The following CRPPA variants were observed in gnomAD, a reference collection of about 807,000 sequenced individuals.
The protein encoded by CRPPA is D-ribitol-5-phosphate cytidylyltransferase.
In CRPPA, 43 loss-of-function variants were observed where a neutral mutation model predicts 52.0. The observed-to-expected ratio is 0.83, with a 90% confidence interval of 0.65 to 1.07. The LOEUF (loss-of-function observed/expected upper bound fraction) is 1.07, where lower values mean the gene tolerates loss of function less well. Among genes scored for constraint, CRPPA ranks in the 50% least tolerant of loss-of-function variants. The pLI, the probability that CRPPA is intolerant of heterozygous loss-of-function variation, is 0.00. For synonymous variants in CRPPA, 250 were observed against 203.5 expected, an observed-to-expected ratio of 1.23 and a Z score of -1.94; for missense variants, 629 against 551.7, an observed-to-expected ratio of 1.14 and a Z score of -1.40.
rs187803693 is a variant in CRPPA, at chr7:16,116,216, C to T, written c.1252-24417G>A. 1.2e-4 allele frequency among the ~76,000 whole-genome samples: 18 copies of T among 152,138 alleles called. No individual in the cohort carries two copies. The East Asian group carries it at 3.1e-3, about 26-fold the overall frequency. ...GCAGTGAGACAGATATCATGTGATC[C>T]CTGATATGATGCACTGAGAAGGATA... On this transcript the variant is annotated intron_variant, in intron 9 of 9. Transcript: ENST00000407010.
intron 9 of CRPPA, among the ~76,000 whole-genome samples, chr7:16,101,754 G>A (rs1036401290): frequency 2.0e-5 from 3 of 152,124 alleles, no homozygotes; most frequent in Admixed American, 6.6e-5. Context: ...CAGAAGGGAT[G>A]TGAAATACCT....
At chr7:16,313,859 G>A (rs1486103035) in intron 3 of CRPPA, among the ~76,000 whole-genome samples, 1 of 152,006 alleles carries the variant, frequency 6.6e-6, no homozygotes, top group African/African-American at 2.4e-5. Context: ...ATTGAAGTCT[G>A]AGAGTAGGCC....
At chr7:16,137,670 G>A (rs545761382) in intron 9 of CRPPA, among the ~76,000 whole-genome samples, 76 of 152,086 alleles carry the variant, frequency 5.0e-4, no homozygotes, top group South Asian at 2.3e-3. Flanking sequence ...CCAACAAGAC[G>A]TTTAACTTTT....
chr7:16,229,913 C>A (rs1314551794), intron 8 of CRPPA, among the ~76,000 whole-genome samples: 1 of 151,878 alleles, frequency 6.6e-6, no homozygotes, highest in Non-Finnish European at 1.5e-5. Flanking sequence ...GTACACTATT[C>A]TTGGCTGACA....
chr7:16,246,739 T>C (rs568261651), intron 8 of CRPPA, among the ~76,000 whole-genome samples: 2 of 152,366 alleles, frequency 1.3e-5, no homozygotes, highest in Admixed American at 6.5e-5. Flanking sequence ...TTGTGAGCAT[T>C]AAGTCTCAAA....
At position 16,285,040 on chromosome 7, in the gene CRPPA, C is replaced by A. The variant is rs116855570; in HGVS notation, c.836-6814G>T. Among the ~76,000 whole-genome samples the A allele has an allele frequency of 6.8e-4, 103 of 152,144 alleles. No individual in the cohort carries two copies. In the East Asian group the frequency reaches 0.019, roughly 29 times the overall value. ...TTTTTCATGAAGCACAAAATTCTTT[C>A]CAAACATATGATTAATACTGATAAT... is the stretch of plus-strand genomic sequence containing the variant. On this transcript the variant is annotated intron_variant, in intron 5 of 9. Coordinates refer to ENST00000407010, the MANE Select transcript of CRPPA (RefSeq NM_001101426.4).
At chr7:16,192,850 C>A (rs571705924) in intron 9 of CRPPA, among the ~76,000 whole-genome samples, 3 of 152,222 alleles carry the variant, frequency 2.0e-5, no homozygotes, top group Middle Eastern at 3.4e-3. Context: ...CACCTTGACA[C>A]CTTTGTCAAA....
At chr7:16,208,944 C>T (rs569369078) in intron 9 of CRPPA, 26 of 375,914 alleles carry the variant, frequency 6.9e-5, no homozygotes, top group Admixed American at 1.3e-4. Flanking sequence ...TTCCCACAAA[C>T]GTGGTGAACA....
At chr7:16,327,587 G>A (rs1246052546) in intron 3 of CRPPA, among the ~76,000 whole-genome samples, 4 of 112,300 alleles carry the variant, frequency 3.6e-5, no homozygotes, top group African/African-American at 1.0e-4. Context: ...GCGACAGAGC[G>A]AGACTCCGTC....
chr7:16,387,044 GA>G (rs1787288779), intron 2 of CRPPA, among the ~76,000 whole-genome samples: 1 of 96,018 alleles, frequency 1.0e-5, no homozygotes, highest in Admixed American at 1.1e-4. Context: ...ATAAAAAAAA[GA>G]TATATATATA....
intron 9 of CRPPA, among the ~76,000 whole-genome samples, chr7:16,170,946 G>C (rs1455644224): frequency 6.6e-6 from 1 of 152,138 alleles, no homozygotes; most frequent in Non-Finnish European, 1.5e-5. Context: ...TCCTGCCTGC[G>C]CCTCTCCCTC....
At chr7:16,297,675 C>T (rs1784703221) in intron 5 of CRPPA, among the ~76,000 whole-genome samples, 1 of 152,180 alleles carries the variant, frequency 6.6e-6, no homozygotes, top group African/African-American at 2.4e-5. Flanking sequence ...TATAAATTTG[C>T]AGGCAAAATC....
intron 9 of CRPPA, among the ~76,000 whole-genome samples, chr7:16,210,070 T>A (rs1583430968): frequency 6.6e-6 from 1 of 152,288 alleles, no homozygotes; most frequent in African/African-American, 2.4e-5. Flanking sequence ...AATGTAAAAA[T>A]AAGTTTTGCC....
intron 2 of CRPPA, among the ~76,000 whole-genome samples, chr7:16,382,496 C>T (rs914450327): frequency 5.3e-5 from 8 of 152,036 alleles, no homozygotes; most frequent in African/African-American, 1.7e-4. Flanking sequence ...TGAGGAGTAT[C>T]TTTGTGGCAT....
chr7:16,316,658 T>C (rs1785150805), intron 3 of CRPPA, among the ~76,000 whole-genome samples: 1 of 151,956 alleles, frequency 6.6e-6, no homozygotes, highest in African/African-American at 2.4e-5. Context: ...GGCCAGGAGT[T>C]CAAGACCAGC....
intron 9 of CRPPA, among the ~76,000 whole-genome samples, chr7:16,187,288 A>G (rs1346722073): frequency 6.6e-6 from 1 of 152,182 alleles, no homozygotes; most frequent in East Asian, 1.9e-4. Context: ...TACACTAAAA[A>G]CATAAACTCA....
intron 2 of CRPPA, among the ~76,000 whole-genome samples, chr7:16,388,238 A>G (rs1037780514): frequency 2.0e-5 from 3 of 152,148 alleles, no homozygotes; most frequent in African/African-American, 4.8e-5. Flanking sequence ...GGAGTCCCCA[A>G]GTGGGCATGG....
chr7:16,155,728 A>G (rs1042595339), intron 9 of CRPPA, among the ~76,000 whole-genome samples: 3 of 152,342 alleles, frequency 2.0e-5, no homozygotes, highest in Middle Eastern at 3.4e-3. Flanking sequence ...ATTCAACATT[A>G]TGCTATTAGT....
intron 9 of CRPPA, among the ~76,000 whole-genome samples, chr7:16,160,002 T>C (rs1164264509): frequency 6.6e-6 from 1 of 152,240 alleles, no homozygotes; most frequent in Non-Finnish European, 1.5e-5. Flanking sequence ...GTTCATATCC[T>C]TTGCCCACTT....
Sources: gnomAD v4.1 joint callset for allele counts (sites outside exome capture counted in the v4.1 genomes callset) on GRCh38, gnomAD v4.1.1 for gene constraint, MANE v1.5 for transcripts, NCBI Gene and HGNC (gene_info 2026-07-23, HGNC 2026-07-21) for gene names.